The following ALK variants were observed in gnomAD, a reference collection of about 807,000 sequenced individuals.
ALK encodes ALK tyrosine kinase receptor.
ALK carries 74 observed loss-of-function variants against 163.1 expected under a neutral mutation model. The ratio of observed to expected loss-of-function variants is 0.45; its 90% confidence interval spans 0.38 to 0.55. The LOEUF is 0.55. Ranked by LOEUF, ALK falls within the 20% of genes least tolerant of loss-of-function variation. The probability of loss-of-function intolerance (pLI) is 0.00; values close to 1 mark genes in which losing one functional copy is unlikely to be tolerated. For missense variants in ALK, 2,063 were observed against 2,105.3 expected, an observed-to-expected ratio of 0.98 and a Z score of 0.39; for synonymous variants, 960 against 843.2, an observed-to-expected ratio of 1.14 and a Z score of -2.40.
At chr2:29,876,574 G>A (rs1244295828) in intron 1 of ALK, among the ~76,000 whole-genome samples, 1 of 149,180 alleles carries the variant, frequency 6.7e-6, no homozygotes, top group Non-Finnish European at 1.5e-5. Flanking sequence ...GATGCTGATG[G>A]TGGTGGTGAT....
At chr2:29,840,072 T>G (rs901426426) in intron 1 of ALK, among the ~76,000 whole-genome samples, 15 of 152,200 alleles carry the variant, frequency 9.9e-5, no homozygotes, top group Non-Finnish European at 2.1e-4. Flanking sequence ...TGTCTAAATC[T>G]ATAGCTTTTA....
intron 1 of ALK, among the ~76,000 whole-genome samples, chr2:29,884,380 T>G (rs754350543): frequency 6.6e-6 from 1 of 152,110 alleles, no homozygotes; most frequent in African/African-American, 2.4e-5. Flanking sequence ...AAGAAAAAGA[T>G]GAATTGCTTG....
chr2:29,344,321 C>T (rs1667885252), intron 5 of ALK, among the ~76,000 whole-genome samples: 1 of 152,186 alleles, frequency 6.6e-6, no homozygotes, highest in African/African-American at 2.4e-5. Context: ...CGGGCAGGCT[C>T]ATGACTGCTT....
intron 11 of ALK, among the ~76,000 whole-genome samples, chr2:29,253,639 G>A (rs1664877876): frequency 6.6e-6 from 1 of 151,990 alleles, no homozygotes; most frequent in Non-Finnish European, 1.5e-5. Flanking sequence ...GATGGGGGCA[G>A]GGAGAAAAAT....
intron 11 of ALK, among the ~76,000 whole-genome samples, chr2:29,259,606 C>T (rs1665033871): frequency 6.6e-6 from 1 of 151,928 alleles, no homozygotes; most frequent in Non-Finnish European, 1.5e-5. Context: ...CTGTCAAAAA[C>T]TGATAATTTT....
chr2:29,193,738 C>A lies in ALK; in HGVS notation c.4349G>T (p.Gly1450Val), dbSNP rs760048406. 6.2e-7 allele frequency: 1 copy of A among 1,602,698 alleles called. No individual in the cohort carries two copies. The highest frequency in any genetic ancestry group is 1.1e-5 in the South Asian group (1 of 89,632). The change falls in exon 29 of 29, where the codon GGC becomes GTC. Residue 1450 changes from glycine (G) to valine (V), a missense_variant. Around this residue, in one of 5 missense-constraint regions of ALK, gnomAD observed 403 missense variants for 366.2 expected, o/e 1.10. Transcript: ENST00000389048. ...AGCTGTGGGTTTCTTTGCAGCCTTG[C>A]CAGAGGAGGTGGTAGGCAGAGGTGG... is the stretch of plus-strand genomic sequence containing the variant. The part of the protein sequence containing the change: ...APPPLPTTSS[G>V]KAAKKPTAAE...
chr2:29,895,161 T>A (rs1667237422), intron 1 of ALK, among the ~76,000 whole-genome samples: 1 of 152,178 alleles, frequency 6.6e-6, no homozygotes, highest in Non-Finnish European at 1.5e-5. Flanking sequence ...TTTGGCAAGT[T>A]ACACACAAGG....
At chr2:29,770,790 C>A (rs1680997735) in intron 1 of ALK, among the ~76,000 whole-genome samples, 1 of 152,054 alleles carries the variant, frequency 6.6e-6, no homozygotes, top group Non-Finnish European at 1.5e-5. Context: ...AATCACCAGT[C>A]CAGGATGCCC....
intron 3 of ALK, among the ~76,000 whole-genome samples, chr2:29,688,769 C>G (rs1678309257): frequency 6.6e-6 from 1 of 152,198 alleles, no homozygotes; most frequent in East Asian, 1.9e-4. Flanking sequence ...TCTTACCTCT[C>G]CTGACTGTTT....
At chr2:29,733,430 A>T (rs773091971) in intron 1 of ALK, among the ~76,000 whole-genome samples, 2 of 152,202 alleles carry the variant, frequency 1.3e-5, no homozygotes, top group Non-Finnish European at 2.9e-5. Context: ...ATGGGTTTAG[A>T]TGTCAGGCTG....
chr2:29,594,374 G>A (rs1254087234), intron 3 of ALK, among the ~76,000 whole-genome samples: 4 of 151,672 alleles, frequency 2.6e-5, no homozygotes, highest in African/African-American at 7.3e-5. Context: ...TGGCCATGGT[G>A]GCAACATTTA....
At chr2:29,408,335 G>A (rs1045908091) in intron 4 of ALK, among the ~76,000 whole-genome samples, 1 of 151,698 alleles carries the variant, frequency 6.6e-6, no homozygotes, top group Admixed American at 6.6e-5. Context: ...TGATCCGCCT[G>A]CCTCGGCCTC....
At chr2:29,325,372 C>T (rs1175905837) in intron 6 of ALK, among the ~76,000 whole-genome samples, 2 of 152,214 alleles carry the variant, frequency 1.3e-5, no homozygotes, top group Non-Finnish European at 2.9e-5. Flanking sequence ...ATGAATAATA[C>T]TGGCTAACAT....
chr2:29,199,613 T>C (rs966923270), intron 26 of ALK, among the ~76,000 whole-genome samples: 1 of 152,262 alleles, frequency 6.6e-6, no homozygotes, highest in Non-Finnish European at 1.5e-5. Context: ...ATTTGTCTGC[T>C]TCTTGCATTG....
intron 3 of ALK, among the ~76,000 whole-genome samples, chr2:29,681,697 C>A (rs977533474): frequency 1.3e-5 from 2 of 152,044 alleles, no homozygotes; most frequent in African/African-American, 4.8e-5. Flanking sequence ...CTATCCCAGC[C>A]CCATCCCACT....
intron 13 of ALK, among the ~76,000 whole-genome samples, chr2:29,237,064 A>G (rs1311895553): frequency 6.6e-6 from 1 of 152,152 alleles, no homozygotes; most frequent in African/African-American, 2.4e-5. Context: ...CTCAGGCACA[A>G]TTTTTGGAGT....
At chr2:29,514,308 T>C (rs1480932796) in intron 4 of ALK, among the ~76,000 whole-genome samples, 2 of 148,234 alleles carry the variant, frequency 1.3e-5, no homozygotes, top group African/African-American at 5.0e-5. Flanking sequence ...CACCATGGAA[T>C]ACTATGCAGC....
At chr2:29,471,947 T>C (rs1671356219) in intron 4 of ALK, among the ~76,000 whole-genome samples, 2 of 152,210 alleles carry the variant, frequency 1.3e-5, no homozygotes, top group Non-Finnish European at 2.9e-5. Flanking sequence ...TTTACCATGT[T>C]GGCCAGGCTG....
chr2:29,899,538 C>G (rs1253056171), intron 1 of ALK: 1 of 152,304 alleles, frequency 6.6e-6, no homozygotes, highest in African/African-American at 2.4e-5. Flanking sequence ...AAATACCACA[C>G]CCCTAGGGCT....
Sources: gnomAD v4.1 joint callset for allele counts (sites outside exome capture counted in the v4.1 genomes callset) on GRCh38, gnomAD v4.1.1 for gene constraint, gnomAD v4.1.1 regional missense constraint, MANE v1.5 for transcripts, NCBI Gene and HGNC (gene_info 2026-07-23, HGNC 2026-07-21) for gene names.